The following BBS4 variants were observed in gnomAD, a reference collection of about 807,000 sequenced individuals.
The protein encoded by BBS4 is Bardet-Biedl syndrome 4, also known as BBSome complex member BBS4.
Under a neutral mutation model 71.4 loss-of-function variants are expected in BBS4, and 58 were observed. That is an observed-to-expected ratio of 0.81 (90% CI 0.66 to 1.01). BBS4 has a LOEUF of 1.01. Among genes scored for constraint, BBS4 ranks in the 50% least tolerant of loss-of-function variants. BBS4 has a pLI of 0.00. For missense variants in BBS4, 660 were observed against 607.9 expected, an observed-to-expected ratio of 1.09 and a Z score of -0.90; for synonymous variants, 228 against 216.8, an observed-to-expected ratio of 1.05 and a Z score of -0.46.
chr15:72,724,672 C>A lies in BBS4; in HGVS notation c.587+17C>A, dbSNP rs2151034479. The A allele has an allele frequency of 1.1e-5, 17 of 1,613,404 alleles. No individual in the cohort carries two copies. The highest frequency in any genetic ancestry group is 1.4e-5 in the Non-Finnish European group (16 of 1,179,594). ...AGCAGTGGAGTAAGTGTATCTGTTT[C>A]CTTTAAAACAGTGAGAAACTAAAAA... On this transcript the variant is annotated intron_variant, in intron 8 of 15. Coordinates refer to ENST00000268057, the MANE Select transcript of BBS4 (RefSeq NM_033028.5).
chr15:72,699,654 C>T (rs760676871), intron 2 of BBS4, among the ~76,000 whole-genome samples: 1 of 152,132 alleles, frequency 6.6e-6, no homozygotes, highest in African/African-American at 2.4e-5. Context: ...GATGCAACCA[C>T]CATTCTGATT....
In BBS4 at chr15:72,728,014, C is replaced by T. The variant is rs777191455; in HGVS notation, c.642+20C>T. ...TTACAGGTAATGAAAACTCTGTACT[C>T]ATTCATGCACTGATGTTAGAAATGG... On this transcript the variant is annotated intron_variant, in intron 9 of 15. Coordinates refer to ENST00000268057, the MANE Select transcript of BBS4 (RefSeq NM_033028.5). The T allele has an allele frequency of 1.9e-6, 3 of 1,569,878 alleles. No individual in the cohort carries two copies. The African/African-American group carries it at 4.1e-5, about 21-fold the overall frequency.
At chr15:72,731,006 A>C (rs2065805639) in intron 10 of BBS4, among the ~76,000 whole-genome samples, 1 of 151,754 alleles carries the variant, frequency 6.6e-6, no homozygotes, top group Non-Finnish European at 1.5e-5. Context: ...TTCATTCTGA[A>C]ATACTGACTT....
At chr15:72,717,833 C>A (rs2065493922) in intron 6 of BBS4, among the ~76,000 whole-genome samples, 1 of 137,866 alleles carries the variant, frequency 7.3e-6, no homozygotes, top group African/African-American at 2.7e-5. Context: ...CATTTTCTAC[C>A]TCTGTGTCCT....
chr15:72,693,776 C>CCTGACATTCAT (rs1276870092), intron 1 of BBS4, among the ~76,000 whole-genome samples: 7 of 152,154 alleles, frequency 4.6e-5, no homozygotes, highest in Non-Finnish European at 1.0e-4. Flanking sequence ...ATTCATTTTA[C>CCTGACATTCAT]TTAGTACCTG....
At chr15:72,733,971 G>T (rs1245783963) in intron 12 of BBS4, among the ~76,000 whole-genome samples, 1 of 152,158 alleles carries the variant, frequency 6.6e-6, no homozygotes, top group Non-Finnish European at 1.5e-5. Context: ...ATTTTGACTG[G>T]TGTGAGATGG....
chr15:72,711,163 T>C (rs903008954), intron 3 of BBS4, among the ~76,000 whole-genome samples: 1 of 151,548 alleles, frequency 6.6e-6, no homozygotes, highest in Non-Finnish European at 1.5e-5. Flanking sequence ...CTTTTTTTTT[T>C]TGAGATGGAG....
intron 12 of BBS4, among the ~76,000 whole-genome samples, chr15:72,734,788 G>A (rs1428810141): frequency 6.6e-6 from 1 of 152,194 alleles, no homozygotes; most frequent in Non-Finnish European, 1.5e-5. Context: ...AGATTTGTAA[G>A]GCAGTGAGAT....
chr15:72,712,987 G>T (rs1484424714), intron 4 of BBS4, among the ~76,000 whole-genome samples: 2 of 149,804 alleles, frequency 1.3e-5, no homozygotes, highest in East Asian at 1.9e-4. Flanking sequence ...GTTTCTTTAG[G>T]TCCTTATTCT....
At chr15:72,708,586 A>G (rs2065308204) in intron 2 of BBS4, among the ~76,000 whole-genome samples, 1 of 152,178 alleles carries the variant, frequency 6.6e-6, no homozygotes, top group Admixed American at 6.5e-5. Context: ...ATTTTAGGGA[A>G]CAAGGGAAGA....
rs2065820349 is a variant in BBS4 at position 72,731,426 on chromosome 15, T to A, written c.833T>A (p.Met278Lys). ...ESPPLWNNIG[M>K]CFFGKKKYVA... The stretch of plus-strand genomic sequence containing the variant: ...CCTCCACTCTGGAATAACATTGGAA[T>A]GTGTTTCTTTGGCAAGAAGAAATAT... Residue 278 changes from methionine to lysine, a missense_variant, in exon 11 of 16, where the codon ATG (methionine) becomes AAG (lysine). By Grantham distance (95) the Met-to-Lys change is moderately conservative (BLOSUM62 -1). Transcript: ENST00000268057. 1 of 1,614,168 alleles carries A rather than the reference T, an allele frequency of 6.2e-7. No individual in the cohort carries two copies. Among genetic ancestry groups the A allele is most frequent in the Non-Finnish European group, 8.5e-7 (1 of 1,180,038 alleles).
At chr15:72,726,127 T>A (rs2065695997) in intron 8 of BBS4, among the ~76,000 whole-genome samples, 1 of 149,818 alleles carries the variant, frequency 6.7e-6, no homozygotes, top group African/African-American at 2.5e-5. Flanking sequence ...TTCCTTTCAT[T>A]TATTTCAACA....
At position 72,737,672 on chromosome 15, in the gene BBS4, G is replaced by C; in HGVS notation, c.*85G>C. ...AAGGTGACATGACACAGGCAGAGCA[G>C]AGTGGCACCCACCACAGAATACAGT... On this transcript the variant is annotated 3_prime_UTR_variant, in exon 16 of 16. Transcript: ENST00000268057. 9.2e-7 allele frequency: 1 copy of C among 1,083,778 alleles called. No homozygotes were observed. The highest frequency in any genetic ancestry group is 1.4e-6 in the Non-Finnish European group (1 of 732,104). 67.1% of individuals were successfully genotyped at this position (1,083,778 alleles called of 1,614,324 possible). A position where few individuals can be genotyped will look rare whatever the true frequency, so the allele number is the denominator to read the frequency against.
intron 2 of BBS4, among the ~76,000 whole-genome samples, chr15:72,702,961 C>CT (rs1169046346): frequency 1.4e-5 from 2 of 146,752 alleles, no homozygotes; most frequent in Non-Finnish European, 3.0e-5. Context: ...GCGCCCGCCA[C>CT]TACGCCCGGC....
intron 1 of BBS4, among the ~76,000 whole-genome samples, 173 bp from the exon 2 acceptor site, chr15:72,695,004 T>C (rs570126716): frequency 1.6e-4 from 25 of 152,328 alleles, no homozygotes; most frequent in Non-Finnish European, 1.5e-5. Context: ...AGCAAAAGTA[T>C]GACTTGACAT....
chr15:72,687,225 TCTC>T (rs1288104525), intron 1 of BBS4, among the ~76,000 whole-genome samples: 7 of 142,726 alleles, frequency 4.9e-5, no homozygotes, highest in Non-Finnish European at 7.5e-5. Context: ...TTCCAGCAAT[TCTC>T]CTGCCTCAGC....
intron 8 of BBS4, among the ~76,000 whole-genome samples, chr15:72,727,592 C>T (rs2065727048): frequency 6.6e-6 from 1 of 152,084 alleles, no homozygotes. Flanking sequence ...ACTGGTGAAA[C>T]TGTGTGTGTT....
intron 2 of BBS4, among the ~76,000 whole-genome samples, chr15:72,696,839 C>T (rs1234558226): frequency 6.6e-6 from 1 of 152,184 alleles, no homozygotes; most frequent in African/African-American, 2.4e-5. Flanking sequence ...GATACTCCAT[C>T]TTCGGCCTCC....
In BBS4 at chr15:72,737,992, C is replaced by T; in HGVS notation, c.*405C>T. On this transcript the variant is annotated 3_prime_UTR_variant, in exon 16 of 16. Coordinates refer to ENST00000268057, the MANE Select transcript of BBS4 (RefSeq NM_033028.5). ...GCTGAGTAGCTCTGTGATGACAAAG[C>T]CTTGGTTTAACTGAGGTGATCCTCA... The T allele has an allele frequency of 2.2e-6, 1 of 454,336 alleles. No homozygotes were observed. 28.1% of individuals were successfully genotyped at this position (454,336 alleles called of 1,614,324 possible).
Sources: allele counts gnomAD v4.1 joint callset (sites outside exome capture counted in the v4.1 genomes callset), GRCh38; gene constraint gnomAD v4.1.1; transcripts MANE v1.5; gene names NCBI Gene and HGNC (gene_info 2026-07-23, HGNC 2026-07-21).